Variants in CAT observed in about 807,000 individuals in gnomAD.
CAT encodes the protein epididymis secretory sperm binding protein.
Under a neutral mutation model 59.0 loss-of-function variants are expected in CAT, and 43 were observed. The observed-to-expected ratio is 0.73, with a 90% CI of 0.57 to 0.94. The LOEUF is 0.94. CAT is among the 40% of genes least tolerant of loss of function. The pLI is 0.00. For synonymous variants in CAT, 218 were observed against 230.9 expected (o/e 0.94, Z 0.51); for missense variants, 664 against 682.9 (o/e 0.97, Z 0.31).
intron 10 of CAT, among the ~76,000 whole-genome samples, chr11:34,467,231 C>T (rs1309321271): frequency 5.3e-5 from 8 of 152,130 alleles, no homozygotes; most frequent in Admixed American, 4.6e-4. Context: ...ACAAAAATTA[C>T]AATCTGTGAA....
At chr11:34,461,493 C>A in intron 9 of CAT, 104 bp downstream of exon 9, 1 of 1,384,340 alleles carries the variant, frequency 7.2e-7, no homozygotes, top group East Asian at 2.3e-5. Context: ...CGCAGGACCT[C>A]CTGCTTGGTA....
intron 2 of CAT, among the ~76,000 whole-genome samples, 167 bp from the exon 3 acceptor site, chr11:34,450,821 C>T (rs573158896): frequency 3.5e-4 from 53 of 152,328 alleles, no homozygotes; most frequent in African/African-American, 1.2e-3. Context: ...CTTTGCATTT[C>T]ACCCTCTTTA....
chr11:34,462,262 C>T (rs1856660431), intron 9 of CAT, among the ~76,000 whole-genome samples: 1 of 151,868 alleles, frequency 6.6e-6, no homozygotes, highest in Non-Finnish European at 1.5e-5. Flanking sequence ...ATATTTATAG[C>T]CACAGATGTC....
rs530197904 is a variant in CAT, at chr11:34,453,687, G to A, written c.586-114G>A. 3.4e-5 allele frequency: 31 copies of A among 908,732 alleles called. No individual in the cohort carries two copies. In the South Asian group the frequency reaches 4.2e-4, roughly 12 times the overall value. 56.3% of individuals were successfully genotyped at this position (908,732 alleles called of 1,614,324 possible). On this transcript the variant is annotated intron_variant, in intron 5 of 12. Coordinates refer to ENST00000241052, the MANE Select transcript of CAT (RefSeq NM_001752.4). ...TGGTAACCCTTCCCATGGGAAATTG[G>A]CTAGTATGTTTTATGTCATTAAGGG...
chr11:34,442,884 A>C (rs1856407818), intron 1 of CAT, among the ~76,000 whole-genome samples: 1 of 152,190 alleles, frequency 6.6e-6, no homozygotes, highest in Non-Finnish European at 1.5e-5. Context: ...CACCTGGGGT[A>C]GTCTACCCCC....
intron 6 of CAT, 130 bp downstream of exon 6, chr11:34,454,056 A>G (rs1393484274): frequency 4.5e-6 from 4 of 882,412 alleles, no homozygotes; most frequent in Admixed American, 2.2e-5. Context: ...GTTGGGAAGT[A>G]TTGATCTCAT....
chr11:34,457,204 C>CTTTTTTTTTTT (rs899442681), intron 8 of CAT, among the ~76,000 whole-genome samples: 5 of 66,180 alleles, frequency 7.6e-5, no homozygotes, highest in Non-Finnish European at 1.2e-4. Context: ...TTTTCTTGTT[C>CTTTTTTTTTTT]TTTTTTTTTT....
chr11:34,464,686 C>T (rs1856693294), intron 10 of CAT, among the ~76,000 whole-genome samples: 2 of 152,010 alleles, frequency 1.3e-5, no homozygotes, highest in South Asian at 4.2e-4. Flanking sequence ...GTGGCTTATT[C>T]TCCATCTGTC....
chr11:34,468,410 G>A lies in CAT; in HGVS notation c.1434+15G>A. 1 of 1,560,874 alleles carries A rather than the reference G, an allele frequency of 6.4e-7. No individual in the cohort carries two copies. The highest frequency in any genetic ancestry group is 8.8e-7 in the Non-Finnish European group (1 of 1,131,488). ...AGAAGAAAGCGGTGAGTCTTTGTAA[G>A]CTGAAGGGTGTCCTCTGCTGGCTAA... On this transcript the variant is annotated intron_variant, in intron 11 of 12. Coordinates refer to ENST00000241052, the MANE Select transcript of CAT (RefSeq NM_001752.4).
Position 34,447,863 on chromosome 11 carries a change from C to G in CAT, c.67-1329C>G, listed in dbSNP as rs181078802. On this transcript the variant is annotated intron_variant, in intron 1 of 12. Coordinates refer to ENST00000241052, the MANE Select transcript of CAT (RefSeq NM_001752.4). ...TGGAGACTCATAAATAAGTAACTTA[C>G]CAGCAGCTACATAGCTGGTAATTGG... Among the ~76,000 whole-genome samples, 10 of 152,270 alleles carry G rather than the reference C, an allele frequency of 6.6e-5. No individual in the cohort carries two copies. The East Asian group carries it at 1.9e-3, about 29-fold the overall frequency.
At chr11:34,455,603 G>A (rs1394752273) in intron 6 of CAT, among the ~76,000 whole-genome samples, 1 of 150,736 alleles carries the variant, frequency 6.6e-6, no homozygotes, top group African/African-American at 2.4e-5. Context: ...TAATTGATTT[G>A]AGCTGTCATG....
chr11:34,467,870 T>C (rs1482222716), intron 10 of CAT, among the ~76,000 whole-genome samples: 3 of 152,160 alleles, frequency 2.0e-5, no homozygotes, highest in Non-Finnish European at 2.9e-5. Context: ...TATATAGATA[T>C]AATTATCTAT....
chr11:34,465,499 A>G (rs1488081521), intron 10 of CAT, among the ~76,000 whole-genome samples: 1 of 152,190 alleles, frequency 6.6e-6, no homozygotes, highest in African/African-American at 2.4e-5. Flanking sequence ...AATTTTGCCT[A>G]TGTGAGGTCA....
Position 34,449,335 on chromosome 11 carries a change from T to A in CAT, c.210T>A (p.Pro70=). 1 of 1,614,140 alleles carries A rather than the reference T, an allele frequency of 6.2e-7. No individual in the cohort carries two copies. The highest frequency in any genetic ancestry group is 8.5e-7 in the Non-Finnish European group (1 of 1,179,984). ...EMAHFDRERI[P]ERVVHAKGAG... is the part of the protein sequence containing the mutation. ...CTCATTTTGACCGAGAGAGAATTCC[T>A]GAGAGAGTTGTGCATGCTAAAGGAG... Residue 70 remains proline, a synonymous_variant, in exon 2 of 13, where the codon CCT becomes CCA. Transcript: ENST00000241052.
In CAT at chr11:34,461,363, G is replaced by A. The variant is rs144648293; in HGVS notation, c.1169G>A (p.Gly390Asp). ...CGAGTGGCCAACTACCAGCGTGACG[G>A]CCCGATGTGCATGCAGGACAATCAG... ...RARVANYQRD[G>D]PMCMQDNQGG... The change falls in exon 9 of 13, where the codon GGC becomes GAC. Residue 390 changes from glycine to aspartate, a missense_variant. Physicochemically the swap from Gly to Asp is moderately conservative, Grantham distance 94 (BLOSUM62 -1). Transcript: ENST00000241052. The A allele has an allele frequency of 9.1e-4, 1,471 of 1,614,200 alleles. 1 individual carries two copies. The highest frequency in any genetic ancestry group is 8.4e-4 in the Non-Finnish European group (989 of 1,180,026).
chr11:34,467,477 G>T (rs994335910), intron 10 of CAT, among the ~76,000 whole-genome samples: 11 of 149,424 alleles, frequency 7.4e-5, no homozygotes, highest in African/African-American at 2.7e-4. Flanking sequence ...TGGAAATGAT[G>T]CATCTCTTAA....
rs373595532 is a variant in CAT at position 34,468,399 on chromosome 11, A to G, written c.1434+4A>G. On this transcript the variant is annotated splice_donor_region_variant and intron_variant, in intron 11 of 12. Transcript: ENST00000241052. ...AATTTTCATCCAGAAGAAAGCGGTG[A>G]GTCTTTGTAAGCTGAAGGGTGTCCT... 2.8e-5 allele frequency: 45 copies of G among 1,603,582 alleles called. No homozygotes were observed. In the African/African-American group the frequency reaches 5.4e-4, roughly 19 times the overall value.
At chr11:34,461,510 C>T (rs1283727686) in intron 9 of CAT, 121 bp downstream of exon 9, 1 of 1,192,834 alleles carries the variant, frequency 8.4e-7, no homozygotes, top group South Asian at 1.2e-5. Context: ...GGTAAAGGTG[C>T]TCCCCAGGTG....
intron 8 of CAT, among the ~76,000 whole-genome samples, chr11:34,460,032 C>A (rs750425863): frequency 6.6e-6 from 1 of 152,176 alleles, no homozygotes; most frequent in Non-Finnish European, 1.5e-5. Flanking sequence ...TGATTTGGAA[C>A]AAAGTTATTG....
Sources: gnomAD v4.1 joint callset for allele counts (sites outside exome capture counted in the v4.1 genomes callset) on GRCh38, gnomAD v4.1.1 for gene constraint, MANE v1.5 for transcripts, NCBI Gene and HGNC (gene_info 2026-07-23, HGNC 2026-07-21) for gene names.